ODAD2: variants seen among roughly 807,000 people sequenced by gnomAD.
The protein encoded by ODAD2 is outer dynein arm docking complex subunit 2, also known as outer dynein arm-docking complex subunit 2.
A neutral mutation model predicts 106.8 loss-of-function variants in ODAD2; 89 were observed. The ratio of observed to expected loss-of-function variants is 0.83; its 90% CI spans 0.70 to 0.99. The LOEUF is 0.99. Among genes scored for constraint, ODAD2 ranks in the 50% least tolerant of loss-of-function variants. The probability of loss-of-function intolerance (pLI) is 0.00; values close to 1 mark genes in which losing one functional copy is unlikely to be tolerated. For synonymous variants in ODAD2, 404 were observed against 436.2 expected, an observed-to-expected ratio of 0.93 and a Z score of 0.92; for missense variants, 1,168 against 1,238.5, an observed-to-expected ratio of 0.94 and a Z score of 0.85.
intron 17 of ODAD2, among the ~76,000 whole-genome samples, chr10:27,875,643 G>A (rs1462117459): frequency 6.6e-6 from 1 of 152,138 alleles, no homozygotes; most frequent in African/African-American, 2.4e-5. Flanking sequence ...GGTGATTTCT[G>A]CATTTCCAAC....
intron 17 of ODAD2, among the ~76,000 whole-genome samples, chr10:27,888,457 T>G (rs1458183671): frequency 6.6e-6 from 1 of 152,176 alleles, no homozygotes; most frequent in Non-Finnish European, 1.5e-5. Context: ...TGTTGGCTAT[T>G]TGTACGTCTT....
intron 17 of ODAD2, among the ~76,000 whole-genome samples, chr10:27,885,355 C>T (rs2133611636): frequency 6.8e-6 from 1 of 146,122 alleles, no homozygotes; most frequent in South Asian, 2.1e-4. Context: ...ACTAAAAATA[C>T]AATAATTAGC....
chr10:27,961,775 C>G (rs1848159739), intron 9 of ODAD2, 60 bp from the exon 10 acceptor site: 19 of 1,442,190 alleles, frequency 1.3e-5, no homozygotes, highest in Non-Finnish European at 1.8e-5. Flanking sequence ...CTATTAAGAC[C>G]TACATGGGGC....
At position 27,987,408 on chromosome 10, in the gene ODAD2, C is replaced by T; in HGVS notation, c.360G>A (p.Lys120=). 6.2e-7 allele frequency: 1 copy of T among 1,613,430 alleles called. No homozygotes were observed. Reference sequence around the variant, plus strand: ...CACCTTCAACACATGCTTGGGCTTCCTTCAACTTCCCAGTTTTGGCAATAA... The same window carrying T: ...CACCTTCAACACATGCTTGGGCTTCTTTCAACTTCCCAGTTTTGGCAATAA... The part of the protein sequence containing the change: ...LLLIAKTGKL[K]EAQACVEANR... Residue 120 remains lysine, a synonymous_variant, in exon 3 of 20, where the codon AAG becomes AAA. Transcript: ENST00000305242.
intron 7 of ODAD2, among the ~76,000 whole-genome samples, chr10:27,980,649 A>C (rs1849487164): frequency 6.6e-6 from 1 of 152,212 alleles, no homozygotes; most frequent in Non-Finnish European, 1.5e-5. Flanking sequence ...TACGATGTTT[A>C]TAATTAAACA....
At chr10:27,928,104 C>T (rs1221441283) in intron 16 of ODAD2, among the ~76,000 whole-genome samples, 2 of 152,060 alleles carry the variant, frequency 1.3e-5, no homozygotes, top group Non-Finnish European at 2.9e-5. Flanking sequence ...CAGGTGCCTA[C>T]CCTGATCATG....
At chr10:27,973,649 G>A (rs1481863458) in intron 7 of ODAD2, among the ~76,000 whole-genome samples, 34 of 152,034 alleles carry the variant, frequency 2.2e-4, no homozygotes, top group Admixed American at 2.2e-3. Flanking sequence ...GTATTCCATG[G>A]CATATATGTA....
chr10:27,891,928 C>T lies in ODAD2; in HGVS notation c.2610+15735G>A, dbSNP rs574442437. Among the ~76,000 whole-genome samples, 17 of 138,018 alleles carry T rather than the reference C, an allele frequency of 1.2e-4. No homozygotes were observed. In the South Asian group the frequency reaches 3.5e-3, roughly 29 times the overall value. 90.5% of individuals were successfully genotyped at this position (138,018 alleles called of 152,430 possible). A position where few individuals can be genotyped will look rare whatever the true frequency, so the allele number is the denominator to read the frequency against. On this transcript the variant is annotated intron_variant, in intron 17 of 19. Transcript: ENST00000305242. ...ATTTGAGTAGACTTTCTGCAGCAGA[C>T]AGTTTTGCTTCTTAAGAACAAAGAA... is the stretch of plus-strand genomic sequence containing the variant.
At chr10:27,867,002 G>A (rs1440680118) in intron 17 of ODAD2, among the ~76,000 whole-genome samples, 3 of 151,840 alleles carry the variant, frequency 2.0e-5, no homozygotes, top group East Asian at 1.9e-4. Context: ...CAAGAAAACC[G>A]GGAGGAATTC....
At chr10:27,822,102 T>C (rs1836658967) in intron 19 of ODAD2, among the ~76,000 whole-genome samples, 1 of 152,196 alleles carries the variant, frequency 6.6e-6, no homozygotes, top group African/African-American at 2.4e-5. Context: ...TCCTCTGGTG[T>C]AAAAGGCTTT....
Position 27,987,420 on chromosome 10 carries a change from A to C in ODAD2, c.348T>G (p.Thr116=). The change falls in exon 3 of 20, where the codon ACT becomes ACG. Residue 116 remains threonine, a synonymous_variant. Transcript: ENST00000305242. ...QLSRLLLIAK[T]GKLKEAQACV... ...ATGCTTGGGCTTCCTTCAACTTCCC[A>C]GTTTTGGCAATAAGTAACAAGCGTG... is the stretch of plus-strand genomic sequence containing the variant. 6.2e-7 allele frequency: 1 copy of C among 1,613,652 alleles called. No homozygotes were observed. Among genetic ancestry groups the C allele is most frequent in the Middle Eastern group, 1.7e-4 (1 of 6,056 alleles).
chr10:27,974,776 G>A (rs1310298500), intron 7 of ODAD2, among the ~76,000 whole-genome samples: 4 of 150,712 alleles, frequency 2.7e-5, no homozygotes, highest in African/African-American at 4.9e-5. Flanking sequence ...GTTCTGTGAA[G>A]AATGTTTTTG....
intron 19 of ODAD2, among the ~76,000 whole-genome samples, chr10:27,827,898 C>A (rs1027439377): frequency 2.6e-5 from 4 of 152,126 alleles, no homozygotes; most frequent in African/African-American, 9.7e-5. Context: ...AGCTTCTCTT[C>A]TTTTTTCTGT....
At chr10:27,892,928 C>T (rs950203489) in intron 17 of ODAD2, among the ~76,000 whole-genome samples, 1 of 152,138 alleles carries the variant, frequency 6.6e-6, no homozygotes, top group Non-Finnish European at 1.5e-5. Flanking sequence ...GCGAGCAGAT[C>T]ACTTGTGGTC....
At chr10:27,821,179 G>A (rs1034072194) in intron 19 of ODAD2, among the ~76,000 whole-genome samples, 1 of 152,192 alleles carries the variant, frequency 6.6e-6, no homozygotes, top group Non-Finnish European at 1.5e-5. Context: ...AATCAAGGGT[G>A]TAGAATTGGA....
chr10:27,980,539 A>T (rs1349688091), intron 7 of ODAD2, among the ~76,000 whole-genome samples: 1 of 152,180 alleles, frequency 6.6e-6, no homozygotes, highest in African/African-American at 2.4e-5. Flanking sequence ...TTCAAAAAAG[A>T]TATACAGATA....
chr10:27,829,246 G>T (rs540832204), intron 19 of ODAD2, among the ~76,000 whole-genome samples: 1 of 152,042 alleles, frequency 6.6e-6, no homozygotes, highest in African/African-American at 2.4e-5. Context: ...TTTCTTCTTC[G>T]ATGTCAAATA....
chr10:27,869,896 T>C lies in ODAD2; in HGVS notation c.2611-7274A>G, dbSNP rs146127402. ...TCATTAGACTTTCCAACAGTGATGTTTGATGATGTGGGGAAGGGAGTGACA... is the reference window on the plus strand; with the variant it reads ...TCATTAGACTTTCCAACAGTGATGTCTGATGATGTGGGGAAGGGAGTGACA... On this transcript the variant is annotated intron_variant, in intron 17 of 19. Coordinates refer to ENST00000305242, the MANE Select transcript of ODAD2 (RefSeq NM_018076.5). Among the ~76,000 whole-genome samples the C allele has an allele frequency of 2.6e-4, 39 of 152,250 alleles. No homozygotes were observed. The East Asian group carries it at 6.8e-3, about 26-fold the overall frequency.
At chr10:27,972,346 G>C (rs954875702) in intron 7 of ODAD2, among the ~76,000 whole-genome samples, 2 of 151,956 alleles carry the variant, frequency 1.3e-5, no homozygotes, top group Non-Finnish European at 2.9e-5. Flanking sequence ...AATTCAAAAG[G>C]GGCAGAGGAA....
Sources: allele counts gnomAD v4.1 joint callset (sites outside exome capture counted in the v4.1 genomes callset), GRCh38; gene constraint gnomAD v4.1.1; transcripts MANE v1.5; gene names NCBI Gene and HGNC (gene_info 2026-07-23, HGNC 2026-07-21).